The following RAB3B variants were observed in gnomAD, a reference collection of about 807,000 sequenced individuals.
The protein encoded by RAB3B is ras-related protein Rab-3B.
In RAB3B, 11 loss-of-function variants were observed where a neutral mutation model predicts 20.5. That is an observed-to-expected ratio of 0.54 (90% CI 0.34 to 0.89). The LOEUF is 0.89. RAB3B is among the 40% of genes least tolerant of loss of function. The pLI, the probability that RAB3B is intolerant of heterozygous loss-of-function variation, is 0.02. For synonymous variants in RAB3B, 99 were observed against 106.3 expected, an observed-to-expected ratio of 0.93 and a Z score of 0.42; for missense variants, 225 against 280.9, an observed-to-expected ratio of 0.80 and a Z score of 1.42.
chr1:51,980,810 A>G, intron 1 of RAB3B: 2 of 746,802 alleles, frequency 2.7e-6, no homozygotes, highest in Non-Finnish European at 4.9e-6. Context: ...CCCCCACCAA[A>G]GCCCATGTAA....
In RAB3B at chr1:51,919,798, A is replaced by T. The variant is rs1209893868; in HGVS notation, c.*129T>A. 2 of 935,508 alleles carry T rather than the reference A, an allele frequency of 2.1e-6. No homozygotes were observed. Among genetic ancestry groups the T allele is most frequent in the Admixed American group, 5.7e-5 (2 of 35,178 alleles). The allele number at this position is 935,508 out of a possible 1,614,324, so 58.0% of individuals were successfully genotyped here. A position where few individuals can be genotyped will look rare whatever the true frequency, so the allele number is the denominator to read the frequency against. On this transcript the variant is annotated 3_prime_UTR_variant, in exon 5 of 5. Transcript: ENST00000371655. ...CCAGGGGCAGGCAAAGAATAGCAGC[A>T]ACTCATCTTGCTCTGAGTGTGGGCA... is the stretch of plus-strand genomic sequence containing the variant.
intron 2 of RAB3B, among the ~76,000 whole-genome samples, chr1:51,940,390 A>C (rs539242260): frequency 3.7e-4 from 56 of 152,286 alleles, no homozygotes; most frequent in African/African-American, 1.3e-3. Flanking sequence ...TGGGAGGCCA[A>C]GGTAGGTAGA....
At chr1:51,927,079 C>G (rs1557962846) in intron 4 of RAB3B, among the ~76,000 whole-genome samples, 1 of 152,222 alleles carries the variant, frequency 6.6e-6, no homozygotes, top group Non-Finnish European at 1.5e-5. Flanking sequence ...TAGTTATTAT[C>G]AATGCCAACT....
intron 4 of RAB3B, among the ~76,000 whole-genome samples, chr1:51,920,633 A>G (rs1452815032): frequency 2.0e-5 from 3 of 152,140 alleles, no homozygotes; most frequent in African/African-American, 7.2e-5. Flanking sequence ...GATCCTCTCC[A>G]CTTCACTAAT....
chr1:51,928,540 A>T (rs1334384323), intron 4 of RAB3B, among the ~76,000 whole-genome samples: 1 of 152,254 alleles, frequency 6.6e-6, no homozygotes, highest in East Asian at 1.9e-4. Flanking sequence ...ACTGGCAAAG[A>T]TACCACTGAA....
rs974294670 is a variant in RAB3B at position 51,908,243 on chromosome 1, T to C, written c.*11684A>G. 2.0e-5 allele frequency: 3 copies of C among 151,994 alleles called. No homozygotes were observed. Among genetic ancestry groups the C allele is most frequent in the Non-Finnish European group, 4.4e-5 (3 of 68,002 alleles). 9.4% of individuals were successfully genotyped at this position (151,994 alleles called of 1,614,324 possible). On this transcript the variant is annotated 3_prime_UTR_variant, in exon 5 of 5. Transcript: ENST00000371655. ...AAAAAGCATGAGAACATCTGCTTAGTTAGAATCTGATGAGGAGAGACGTGA... is the reference window on the plus strand; with the variant it reads ...AAAAAGCATGAGAACATCTGCTTAGCTAGAATCTGATGAGGAGAGACGTGA...
chr1:51,954,179 G>A (rs1047334770), intron 2 of RAB3B, among the ~76,000 whole-genome samples: 2 of 152,234 alleles, frequency 1.3e-5, no homozygotes, highest in African/African-American at 4.8e-5. Context: ...CACGTGGTAA[G>A]TGCAACAAAT....
chr1:51,948,650 T>C (rs1447730014), intron 2 of RAB3B, among the ~76,000 whole-genome samples: 4 of 152,132 alleles, frequency 2.6e-5, no homozygotes, highest in Non-Finnish European at 5.9e-5. Flanking sequence ...TTCCCTGAGG[T>C]AATGCTCTCT....
intron 2 of RAB3B, among the ~76,000 whole-genome samples, chr1:51,969,904 G>A (rs1237666413): frequency 6.6e-6 from 1 of 151,762 alleles, no homozygotes; most frequent in Non-Finnish European, 1.5e-5. Flanking sequence ...GTCTCTACAA[G>A]AAATACAAAA....
intron 1 of RAB3B, among the ~76,000 whole-genome samples, chr1:51,988,887 G>T (rs1329873352): frequency 6.6e-6 from 1 of 151,696 alleles, no homozygotes; most frequent in Admixed American, 6.6e-5. Context: ...TTTCCCATAC[G>T]GTTTCCTCTG....
chr1:51,910,258 C>T lies in RAB3B; in HGVS notation c.*9669G>A, dbSNP rs558118132. 1 of 152,316 alleles carries T rather than the reference C, an allele frequency of 6.6e-6. No homozygotes were observed. The highest frequency in any genetic ancestry group is 2.4e-5 in the African/African-American group (1 of 41,582). 9.4% of individuals were successfully genotyped at this position (152,316 alleles called of 1,614,324 possible). On this transcript the variant is annotated 3_prime_UTR_variant, in exon 5 of 5. Coordinates refer to ENST00000371655, the MANE Select transcript of RAB3B (RefSeq NM_002867.4). ...AATCCTTTAGTTTCCAGGCTTTTAGCTGCATGGCAGAGTTTGTCCTGAGAA... is the reference window on the plus strand; with the variant it reads ...AATCCTTTAGTTTCCAGGCTTTTAGTTGCATGGCAGAGTTTGTCCTGAGAA...
chr1:51,937,039 CCTGACCTCGGGTGAT>C (rs1300529927), intron 3 of RAB3B, among the ~76,000 whole-genome samples: 1 of 152,172 alleles, frequency 6.6e-6, no homozygotes, highest in East Asian at 1.9e-4. Flanking sequence ...GTCTCAAACT[CCTGACCTCGGGTGAT>C]CTGGCTGCCT....
At chr1:51,926,615 CTG>C (rs1485259102) in intron 4 of RAB3B, among the ~76,000 whole-genome samples, 5 of 152,154 alleles carry the variant, frequency 3.3e-5, no homozygotes, top group Non-Finnish European at 7.3e-5. Context: ...CTGACTCAGG[CTG>C]TGTGTTACCA....
rs1685074247 is a variant in RAB3B, at chr1:51,980,653, G to A, written c.1-3536C>T. On this transcript the variant is annotated intron_variant, in intron 1 of 4. Transcript: ENST00000371655. ...CATTTCTGAAGTGAGCATCTTCGAT[G>A]CCTATGTGCTTCCCAAGCAGTATGT... 4.0e-6 allele frequency: 3 copies of A among 757,662 alleles called. No homozygotes were observed. In the Admixed American group the frequency reaches 5.1e-5, roughly 13 times the overall value. The allele number at this position is 757,662 out of a possible 1,614,324, so 46.9% of individuals were successfully genotyped here. A position where few individuals can be genotyped will look rare whatever the true frequency, so the allele number is the denominator to read the frequency against.
chr1:51,988,702 A>C (rs1173946121), intron 1 of RAB3B, among the ~76,000 whole-genome samples: 1 of 152,178 alleles, frequency 6.6e-6, no homozygotes, highest in African/African-American at 2.4e-5. Flanking sequence ...CCTACTATGC[A>C]CCAGGACCTG....
intron 2 of RAB3B, among the ~76,000 whole-genome samples, chr1:51,969,201 GTGGGAGGAT>G (rs1162177258): frequency 6.6e-6 from 1 of 152,212 alleles, no homozygotes; most frequent in Non-Finnish European, 1.5e-5. Context: ...TGAGGCTAAG[GTGGGAGGAT>G]TGCTTAAGCC....
At chr1:51,984,299 C>G (rs978557636) in intron 1 of RAB3B, among the ~76,000 whole-genome samples, 2 of 74,652 alleles carry the variant, frequency 2.7e-5, no homozygotes, top group East Asian at 8.4e-4. Context: ...AAAAAAAAAG[C>G]ATGAACGAGA....
intron 2 of RAB3B, among the ~76,000 whole-genome samples, chr1:51,972,850 T>C (rs971754792): frequency 3.3e-5 from 5 of 152,244 alleles, no homozygotes; most frequent in Non-Finnish European, 7.3e-5. Context: ...TACACTTAGT[T>C]CAGCCCCATA....
At position 51,933,393 on chromosome 1, in the gene RAB3B, C is replaced by T. The variant is rs557311376; in HGVS notation, c.397G>A (p.Val133Met). 6.2e-7 allele frequency: 1 copy of T among 1,613,754 alleles called. No homozygotes were observed. The highest frequency in any genetic ancestry group is 1.3e-5 in the African/African-American group (1 of 75,004). The stretch of plus-strand genomic sequence containing the variant: ...TCCTCCATGTCACACTTGTTCCCCA[C>T]CAGAATAACTTGTGCATTGTCCCAG... Reference protein sequence around the residue: ...YSWDNAQVILVGNKCDMEEER... With the variant: ...YSWDNAQVILMGNKCDMEEER... The change falls in exon 4 of 5, where the codon GTG becomes ATG. Residue 133 changes from valine (V) to methionine (M), a missense_variant. Physicochemically the swap from Val to Met is conservative, Grantham distance 21 (BLOSUM62 1). Transcript: ENST00000371655.
Sources: gnomAD v4.1 joint callset for allele counts (sites outside exome capture counted in the v4.1 genomes callset) on GRCh38, gnomAD v4.1.1 for gene constraint, MANE v1.5 for transcripts, NCBI Gene and HGNC (gene_info 2026-07-23, HGNC 2026-07-21) for gene names.